Variants in ADGRB3 observed in about 807,000 individuals in gnomAD.
ADGRB3 encodes the protein brain-specific angiogenesis inhibitor 3.
A neutral mutation model predicts 193.4 loss-of-function variants in ADGRB3; 37 were observed. That is an observed-to-expected ratio of 0.19 (90% confidence interval 0.15 to 0.25). The LOEUF is 0.25. Ranked by LOEUF, ADGRB3 falls within the 10% of genes least tolerant of loss-of-function variation. The pLI is 1.00. For missense variants in ADGRB3, 1,637 were observed against 1,852.9 expected (o/e 0.88, Z 2.14); for synonymous variants, 690 against 644.2 (o/e 1.07, Z -1.08).
rs546728026 is a variant in ADGRB3, at chr6:69,211,199, C to A, written c.2481-22091C>A. On this transcript the variant is annotated intron_variant, in intron 17 of 31. Transcript: ENST00000370598. Reference sequence around the variant, plus strand: ...TATTCTTAAGAAAAGGGAGAAAGTTCTCTTTGTTTTATTTTTCACTGTTTG... The same window carrying A: ...TATTCTTAAGAAAAGGGAGAAAGTTATCTTTGTTTTATTTTTCACTGTTTG... 7.2e-5 allele frequency among the ~76,000 whole-genome samples: 11 copies of A among 152,204 alleles called. No homozygotes were observed. In the East Asian group the frequency reaches 1.7e-3, roughly 24 times the overall value.
intron 3 of ADGRB3, among the ~76,000 whole-genome samples, chr6:68,743,120 AAT>A (rs1766013102): frequency 6.6e-6 from 1 of 151,986 alleles, no homozygotes; most frequent in South Asian, 2.1e-4. Flanking sequence ...GCTTCAATTA[AAT>A]ATTTAATTAT....
chr6:68,638,860 C>T lies in ADGRB3; in HGVS notation c.185C>T (p.Pro62Leu). Reference protein sequence around the residue: ...FTNCTWTLENPDPTKYSIYLK... With the variant: ...FTNCTWTLENLDPTKYSIYLK... ...AACTGCACTTGGACGCTGGAAAATC[C>T]AGATCCAACCAAATATAGCATTTAC... The change falls in exon 3 of 32, where the codon CCA becomes CTA. Residue 62 changes from proline (P) to leucine (L), a missense_variant. Coordinates refer to ENST00000370598, the MANE Select transcript of ADGRB3 (RefSeq NM_001704.3). 6.2e-7 allele frequency: 1 copy of T among 1,614,032 alleles called. No homozygotes were observed. Among genetic ancestry groups the T allele is most frequent in the Non-Finnish European group, 8.5e-7 (1 of 1,179,986 alleles).
chr6:69,159,700 C>A (rs1774934755), intron 17 of ADGRB3, among the ~76,000 whole-genome samples: 1 of 152,090 alleles, frequency 6.6e-6, no homozygotes, highest in Non-Finnish European at 1.5e-5. Flanking sequence ...ATGATCTCAT[C>A]CAGTCTCATG....
intron 17 of ADGRB3, among the ~76,000 whole-genome samples, chr6:69,213,124 A>T (rs1765701289): frequency 6.6e-6 from 1 of 152,176 alleles, no homozygotes; most frequent in Admixed American, 6.5e-5. Context: ...CACAAAATTA[A>T]AGTGCATGCA....
intron 17 of ADGRB3, among the ~76,000 whole-genome samples, chr6:69,185,116 A>G (rs1765041778): frequency 6.6e-6 from 1 of 152,146 alleles, no homozygotes. Flanking sequence ...TCTCTACAAG[A>G]AAATATCTTA....
At chr6:69,343,041 A>T (rs1158147271) in intron 26 of ADGRB3, among the ~76,000 whole-genome samples, 1 of 151,956 alleles carries the variant, frequency 6.6e-6, no homozygotes, top group East Asian at 1.9e-4. Flanking sequence ...GGATCTACAC[A>T]GGGGAAGAAT....
intron 3 of ADGRB3, among the ~76,000 whole-genome samples, chr6:68,686,774 A>G (rs925978386): frequency 2.6e-5 from 4 of 152,286 alleles, no homozygotes; most frequent in African/African-American, 9.6e-5. Context: ...TGAACATCAC[A>G]TCATCTTCTC....
chr6:69,146,029 C>T (rs1774482096), intron 17 of ADGRB3, among the ~76,000 whole-genome samples: 1 of 152,184 alleles, frequency 6.6e-6, no homozygotes, highest in Non-Finnish European at 1.5e-5. Context: ...GGCTTTAGGC[C>T]TTCCCCAGCT....
intron 20 of ADGRB3, among the ~76,000 whole-genome samples, chr6:69,272,498 G>A (rs972432733): frequency 6.6e-6 from 1 of 152,160 alleles, no homozygotes; most frequent in Non-Finnish European, 1.5e-5. Context: ...ACATAACTGG[G>A]TAGACAATAA....
chr6:69,360,599 T>G (rs1332581561), intron 28 of ADGRB3, among the ~76,000 whole-genome samples: 2 of 151,974 alleles, frequency 1.3e-5, no homozygotes, highest in African/African-American at 4.8e-5. Context: ...GACAGGGTAC[T>G]AAGATTTTTG....
At chr6:68,981,958 A>G (rs977643088) in intron 10 of ADGRB3, among the ~76,000 whole-genome samples, 11 of 151,152 alleles carry the variant, frequency 7.3e-5, no homozygotes, top group African/African-American at 1.9e-4. Context: ...GCTCACTGCA[A>G]CCTCTGCCTC....
chr6:68,856,529 G>A (rs1269727695), intron 3 of ADGRB3, among the ~76,000 whole-genome samples: 2 of 152,182 alleles, frequency 1.3e-5, no homozygotes, highest in Non-Finnish European at 2.9e-5. Context: ...TAGACTGGTG[G>A]CACTTTGCTC....
chr6:69,387,386 T>C (rs1259972037), intron 31 of ADGRB3, among the ~76,000 whole-genome samples: 2 of 152,128 alleles, frequency 1.3e-5, no homozygotes, highest in African/African-American at 4.8e-5. Flanking sequence ...CTTTAGAATA[T>C]TTGACTAAAG....
intron 13 of ADGRB3, among the ~76,000 whole-genome samples, chr6:69,038,861 G>C (rs1336585965): frequency 2.0e-5 from 3 of 152,136 alleles, no homozygotes; most frequent in Non-Finnish European, 4.4e-5. Context: ...GTAAGGTTTT[G>C]CTTTACCTGG....
At chr6:69,066,194 T>TTA (rs1295242860) in intron 16 of ADGRB3, among the ~76,000 whole-genome samples, 1 of 151,354 alleles carries the variant, frequency 6.6e-6, no homozygotes, top group East Asian at 1.9e-4. Context: ...TAATATATAG[T>TTA]TATATATATG....
chr6:69,338,931 T>A lies in ADGRB3; in HGVS notation c.3204T>A (p.Pro1068=). ...LKHRAGQMSE[P]HSGLTLKCAK... ...TTGTTTGCAGTCAGATGAGTGAGCC[T>A]CATAGCGGTTTGACGCTCAAATGTG... Residue 1068 remains proline, a synonymous_variant, in exon 25 of 32, where the codon CCT becomes CCA. Coordinates refer to ENST00000370598, the MANE Select transcript of ADGRB3 (RefSeq NM_001704.3). 6.2e-7 allele frequency: 1 copy of A among 1,613,866 alleles called. No homozygotes were observed. The highest frequency in any genetic ancestry group is 8.5e-7 in the Non-Finnish European group (1 of 1,179,818).
intron 13 of ADGRB3, among the ~76,000 whole-genome samples, chr6:69,031,037 C>CTCTTCTCT (rs1554248319): frequency 5.5e-5 from 2 of 36,560 alleles, no homozygotes; most frequent in African/African-American, 2.7e-4. Flanking sequence ...CTCTTCTCTT[C>CTCTTCTCT]TCTCTTCTCT....
At chr6:68,765,713 A>G (rs537118228) in intron 3 of ADGRB3, among the ~76,000 whole-genome samples, 1 of 152,064 alleles carries the variant, frequency 6.6e-6, no homozygotes, top group Non-Finnish European at 1.5e-5. Flanking sequence ...ATGTGATACT[A>G]TGCCTAGTCC....
At chr6:68,809,117 T>C (rs1262359367) in intron 3 of ADGRB3, among the ~76,000 whole-genome samples, 1 of 152,192 alleles carries the variant, frequency 6.6e-6, no homozygotes, top group Non-Finnish European at 1.5e-5. Flanking sequence ...TTAAAGATTA[T>C]GAAGTATATA....
Sources: allele counts gnomAD v4.1 joint callset (sites outside exome capture counted in the v4.1 genomes callset), GRCh38; gene constraint gnomAD v4.1.1; transcripts MANE v1.5; gene names NCBI Gene and HGNC (gene_info 2026-07-23, HGNC 2026-07-21).